Variants in FBP1 observed in about 807,000 individuals in gnomAD.
FBP1 encodes fructose-1,6-bisphosphatase 1.
In FBP1, 22 loss-of-function variants were observed where a neutral mutation model predicts 29.9. That is an observed-to-expected ratio of 0.74 (90% CI 0.53 to 1.05). The LOEUF is 1.05. FBP1 is among the 50% of genes least tolerant of loss of function. The pLI is 0.00. For synonymous variants in FBP1, 175 were observed against 178.6 expected (o/e 0.98, Z 0.16); for missense variants, 345 against 448.2 (o/e 0.77, Z 2.08).
At chr9:94,605,854 A>G (rs909263334) in intron 5 of FBP1, among the ~76,000 whole-genome samples, 1 of 152,190 alleles carries the variant, frequency 6.6e-6, no homozygotes, top group East Asian at 1.9e-4. Flanking sequence ...GGCAGGCATT[A>G]CAGAAACTGT....
At chr9:94,628,381 C>CAAAAAA (rs11394817) in intron 1 of FBP1, among the ~76,000 whole-genome samples, 5 of 135,798 alleles carry the variant, frequency 3.7e-5, no homozygotes, top group African/African-American at 5.6e-5. Flanking sequence ...GACTCTGTCT[C>CAAAAAA]AAAAAAAAAA....
chr9:94,610,658 A>G (rs1345191209), intron 3 of FBP1, among the ~76,000 whole-genome samples: 1 of 152,236 alleles, frequency 6.6e-6, no homozygotes, highest in Non-Finnish European at 1.5e-5. Flanking sequence ...AGCACATTTT[A>G]CATCACAAAC....
chr9:94,604,335 G>A (rs1564192476), intron 6 of FBP1, among the ~76,000 whole-genome samples: 1 of 152,170 alleles, frequency 6.6e-6, no homozygotes. Flanking sequence ...CACACAGGTT[G>A]ATATGCCCGA....
chr9:94,616,381 A>G (rs1587858489), intron 3 of FBP1, among the ~76,000 whole-genome samples: 1 of 142,892 alleles, frequency 7.0e-6, no homozygotes, highest in Non-Finnish European at 1.5e-5. Flanking sequence ...TCACCACTAT[A>G]CAATTCATTC....
chr9:94,632,551 C>A (rs2131502085), intron 1 of FBP1, among the ~76,000 whole-genome samples: 1 of 152,008 alleles, frequency 6.6e-6, no homozygotes. Flanking sequence ...ACCTATAATC[C>A]CAGCTACCTG....
intron 1 of FBP1, among the ~76,000 whole-genome samples, chr9:94,628,380 T>C (rs1305972690): frequency 3.7e-5 from 1 of 27,062 alleles, no homozygotes; most frequent in African/African-American, 1.0e-4. Context: ...AGACTCTGTC[T>C]CAAAAAAAAA....
chr9:94,630,392 C>G (rs1399806576), intron 1 of FBP1, among the ~76,000 whole-genome samples: 1 of 152,198 alleles, frequency 6.6e-6, no homozygotes, highest in African/African-American at 2.4e-5. Flanking sequence ...GCTGTGCAAA[C>G]TTAGCGTTAG....
rs1182811847 is a variant in FBP1, at chr9:94,620,208, C to T, written c.333+121G>A. 1.8e-5 allele frequency: 18 copies of T among 976,104 alleles called. No individual in the cohort carries two copies. The Admixed American group carries it at 2.8e-4, about 15-fold the overall frequency. 60.5% of individuals were successfully genotyped at this position (976,104 alleles called of 1,614,324 possible). ...AGTGAGGTGGAAGCTATGAAAAGAC[C>T]ACAGCAGGGATCTAGAGGGACTCCC... On this transcript the variant is annotated intron_variant, in intron 2 of 6. Transcript: ENST00000375326.
intron 3 of FBP1, among the ~76,000 whole-genome samples, chr9:94,610,716 CTT>C (rs1443674731): frequency 6.6e-6 from 1 of 152,208 alleles, no homozygotes; most frequent in Non-Finnish European, 1.5e-5. Flanking sequence ...AATACCTACA[CTT>C]AGAACGTGGC....
chr9:94,609,021 C>A (rs1459970804), intron 4 of FBP1, among the ~76,000 whole-genome samples: 1 of 151,924 alleles, frequency 6.6e-6, no homozygotes, highest in Non-Finnish European at 1.5e-5. Flanking sequence ...ACCAACATGG[C>A]GAAACCCCGT....
chr9:94,606,953 C>T lies in FBP1; in HGVS notation c.568-1G>A. 4 of 1,614,100 alleles carry T rather than the reference C, an allele frequency of 2.5e-6. No homozygotes were observed. The highest frequency in any genetic ancestry group is 3.4e-6 in the Non-Finnish European group (4 of 1,179,968). ...CCACCAAAATGAACTCCCCGATGGC[C>T]TTTTTAGACAAGGAAGGAAAGGTGG... On this transcript the variant is annotated splice_acceptor_variant, in intron 4 of 6. Transcript: ENST00000375326. LOFTEE classifies it high-confidence loss of function.
At chr9:94,628,014 G>A (rs977972194) in intron 1 of FBP1, among the ~76,000 whole-genome samples, 1 of 152,212 alleles carries the variant, frequency 6.6e-6, no homozygotes, top group Non-Finnish European at 1.5e-5. Context: ...GTTGGGGGCT[G>A]ATCATGCAGG....
intron 1 of FBP1, among the ~76,000 whole-genome samples, chr9:94,626,515 T>C (rs1014306696): frequency 6.6e-6 from 1 of 152,158 alleles, no homozygotes; most frequent in African/African-American, 2.4e-5. Context: ...ACAGCCATGA[T>C]GAGCAGTCAG....
intron 4 of FBP1, among the ~76,000 whole-genome samples, chr9:94,608,343 GC>G (rs1563979742): frequency 6.6e-6 from 1 of 152,202 alleles, no homozygotes; most frequent in African/African-American, 2.4e-5. Context: ...CCTGCATTGC[GC>G]TTCCAAACAT....
intron 6 of FBP1, chr9:94,603,811 T>C (rs3780555): frequency 0.41 from 232,126 of 561,904 alleles, 49,703 homozygotes; most frequent in Admixed American, 0.5. Context: ...ATAGATTACC[T>C]GATGCAAATG....
intron 2 of FBP1, among the ~76,000 whole-genome samples, chr9:94,619,874 C>CAAAAAAAAAAAAAAAAAAAAAAAAAA (rs56722632): frequency 4.0e-5 from 4 of 99,166 alleles, no homozygotes; most frequent in African/African-American, 1.7e-4. Flanking sequence ...AACACTGTCT[C>CAAAAAAAAAAAAAAAAAAAAAAAAAA]AAAAAAAAAA....
At chr9:94,636,568 G>A (rs567729169) in intron 1 of FBP1, among the ~76,000 whole-genome samples, 4 of 151,936 alleles carry the variant, frequency 2.6e-5, no homozygotes, top group East Asian at 1.9e-4. Context: ...ACTATCCAAG[G>A]TCCCACTGTC....
At position 94,639,463 on chromosome 9, in the gene FBP1, TGACA is replaced by T. The variant is rs1214380176; in HGVS notation, c.-157_-154del. The stretch of plus-strand genomic sequence containing the variant: ...GGGCCGCGGGACCTGGCGGGAGGAC[TGACA>T]GACCGACTGCCGCCCCGAGTGTCCG... On this transcript the variant is annotated 5_prime_UTR_variant, in exon 1 of 7. Transcript: ENST00000375326. The T allele has an allele frequency of 3.5e-6, 3 of 847,276 alleles. No individual in the cohort carries two copies. The highest frequency in any genetic ancestry group is 5.7e-6 in the Non-Finnish European group (3 of 526,020). The allele number at this position is 847,276 out of a possible 1,614,324, so 52.5% of individuals were successfully genotyped here. A position where few individuals can be genotyped will look rare whatever the true frequency, so the allele number is the denominator to read the frequency against.
At chr9:94,628,982 T>C (rs1828064327) in intron 1 of FBP1, among the ~76,000 whole-genome samples, 1 of 152,184 alleles carries the variant, frequency 6.6e-6, no homozygotes, top group South Asian at 2.1e-4. Context: ...CTTTTTGTTG[T>C]TGTTTTTTGT....
Sources: allele counts gnomAD v4.1 joint callset (sites outside exome capture counted in the v4.1 genomes callset), GRCh38; gene constraint gnomAD v4.1.1; transcripts MANE v1.5; gene names NCBI Gene and HGNC (gene_info 2026-07-23, HGNC 2026-07-21).